KIR3DL3: variants seen among roughly 807,000 people sequenced by gnomAD.
KIR3DL3 encodes killer cell immunoglobulin like receptor, three Ig domains and long cytoplasmic tail 3, also known as killer cell immunoglobulin-like receptor 3DL3.
KIR3DL3 carries 27 observed loss-of-function variants against 34.9 expected under a neutral mutation model. The ratio of observed to expected loss-of-function variants is 0.77; its 90% CI spans 0.57 to 1.07. The LOEUF (loss-of-function observed/expected upper bound fraction) is 1.07, where lower values mean the gene tolerates loss of function less well. KIR3DL3 is among the 50% of genes least tolerant of loss of function. The pLI, the probability that KIR3DL3 is intolerant of heterozygous loss-of-function variation, is 0.00. For missense variants in KIR3DL3, 681 were observed against 528.5 expected, an observed-to-expected ratio of 1.29 and a Z score of -2.83; for synonymous variants, 217 against 200.2, an observed-to-expected ratio of 1.08 and a Z score of -0.71.
At chr19:54,726,954 C>T (rs1022205753) in intron 3 of KIR3DL3, among the ~76,000 whole-genome samples, 1 of 124,432 alleles carries the variant, frequency 8.0e-6, no homozygotes, top group African/African-American at 3.0e-5. Context: ...CAATTTTCTC[C>T]AGCAGCAACA....
At chr19:54,725,669 G>C (rs2068083241) in intron 2 of KIR3DL3, among the ~76,000 whole-genome samples, 1 of 152,184 alleles carries the variant, frequency 6.6e-6, no homozygotes, top group African/African-American at 2.4e-5. Flanking sequence ...TGTGGCTGCT[G>C]TCATTCTACC....
intron 4 of KIR3DL3, among the ~76,000 whole-genome samples, chr19:54,728,998 G>A (rs2068499068): frequency 8.1e-6 from 1 of 123,686 alleles, no homozygotes; most frequent in African/African-American, 2.7e-5. Context: ...TAGAGAGATA[G>A]AAAGACAGAT....
chr19:54,734,704 A>C (rs546149628), intron 5 of KIR3DL3, among the ~76,000 whole-genome samples: 241 of 146,014 alleles, frequency 1.7e-3, no homozygotes, highest in Admixed American at 2.7e-3. Context: ...TTTGCCTCAC[A>C]GTTCTGCAGG....
chr19:54,727,719 T>A lies in KIR3DL3; in HGVS notation c.464T>A (p.Leu155Gln). The A allele has an allele frequency of 6.2e-7, 1 of 1,613,088 alleles. No homozygotes were observed. Among genetic ancestry groups the A allele is most frequent in the Non-Finnish European group, 8.5e-7 (1 of 1,179,800 alleles). ...GATGTCAGGTTTGAGCGCTTCCTTC[T>A]GCACAGAGAGGGGATCACTGAGGAC... ...WSDVRFERFLLHREGITEDPL... is the reference protein window; with the variant it reads ...WSDVRFERFLQHREGITEDPL... The change falls in exon 4 of 8, where the codon CTG (leucine) becomes CAG (glutamine). Residue 155 changes from leucine (L) to glutamine (Q), a missense_variant. Leu to Gln is a moderately radical substitution (Grantham distance 113). Transcript: ENST00000291860.
intron 5 of KIR3DL3, among the ~76,000 whole-genome samples, chr19:54,734,094 T>A (rs1451478668): frequency 4.6e-5 from 7 of 152,200 alleles, no homozygotes; most frequent in Non-Finnish European, 7.3e-5. Context: ...GGCTGTTTGA[T>A]TTAAGTCAGT....
Position 54,725,564 on chromosome 19 carries a change from A to G in KIR3DL3, c.70+282A>G, listed in dbSNP as rs973018578. 9.2e-5 allele frequency among the ~76,000 whole-genome samples: 14 copies of G among 152,250 alleles called. No homozygotes were observed. The South Asian group carries it at 2.3e-3, about 25-fold the overall frequency. On this transcript the variant is annotated intron_variant, in intron 2 of 7. Transcript: ENST00000291860. ...AGGGAGGAAGTGGTGTCACCGGCAG[A>G]GGAAGGGAGAGAAGCAGTGCAAGGA...
At chr19:54,732,253 G>GTTTTTTTTTTT (rs1376667820) in intron 5 of KIR3DL3, among the ~76,000 whole-genome samples, 6 of 90,940 alleles carry the variant, frequency 6.6e-5, no homozygotes, top group African/African-American at 2.2e-4. Context: ...TGTGTTTTTT[G>GTTTTTTTTTTT]TTTTCTTTTT....
intron 5 of KIR3DL3, among the ~76,000 whole-genome samples, chr19:54,733,453 AC>A (rs1392869960): frequency 6.6e-6 from 1 of 152,186 alleles, no homozygotes; most frequent in Non-Finnish European, 1.5e-5. Flanking sequence ...AATGGCTTCA[AC>A]CCTGGAGGCA....
intron 4 of KIR3DL3, 91 bp downstream of exon 4, chr19:54,728,001 A>G (rs2068392701): frequency 3.9e-6 from 5 of 1,294,916 alleles, no homozygotes; most frequent in Non-Finnish European, 5.4e-6. Flanking sequence ...GAGGAAGATG[A>G]GTGTGGGGTT....
At chr19:54,734,116 T>C (rs1272812035) in intron 5 of KIR3DL3, among the ~76,000 whole-genome samples, 9 of 151,892 alleles carry the variant, frequency 5.9e-5, no homozygotes, top group African/African-American at 2.2e-4. Context: ...CTACTTCACT[T>C]TTTTTATCTT....
In KIR3DL3 at chr19:54,729,588, G is replaced by C. The variant is rs2068582498; in HGVS notation, c.751G>C (p.Asp251His). ...GTCCTGCAGCTCCCGGAGCTTGTTT[G>C]ACATTTACCATCTATCCAGGGAGGC... is the stretch of plus-strand genomic sequence containing the variant. ...TLSCSSRSLF[D>H]IYHLSREAEA... The change falls in exon 5 of 8, where the codon GAC (aspartate) becomes CAC (histidine). Residue 251 changes from aspartate (D) to histidine (H), a missense_variant. Asp to His is a moderately conservative substitution (Grantham distance 81). Transcript: ENST00000291860. 6.2e-7 allele frequency: 1 copy of C among 1,606,582 alleles called. No individual in the cohort carries two copies.
At chr19:54,724,926 G>T (rs1391514684) in intron 1 of KIR3DL3, among the ~76,000 whole-genome samples, 1 of 136,790 alleles carries the variant, frequency 7.3e-6, no homozygotes, top group East Asian at 2.2e-4. Flanking sequence ...GTAGAGATAC[G>T]GGCCTGGAGT....
chr19:54,735,320 C>T lies in KIR3DL3; in HGVS notation c.1017C>T (p.Leu339=). 4.7e-6 allele frequency: 7 copies of T among 1,474,584 alleles called. No individual in the cohort carries two copies. Among genetic ancestry groups the T allele is most frequent in the Non-Finnish European group, 4.7e-6 (5 of 1,058,078 alleles). 91.3% of individuals were successfully genotyped at this position (1,474,584 alleles called of 1,614,324 possible). A position where few individuals can be genotyped will look rare whatever the true frequency, so the allele number is the denominator to read the frequency against. The stretch of plus-strand genomic sequence containing the variant: ...TCATCATCCCCTTTGCTATCCTCCT[C>T]TTCTTTCTCCTTCATCGCTGGTGTG... ...SVVIIPFAIL[L]FFLLHRWCAN... The change falls in exon 6 of 8, where the codon CTC becomes CTT. Residue 339 remains leucine (L), a synonymous_variant. Transcript: ENST00000291860.
At chr19:54,733,070 G>A (rs113775492) in intron 5 of KIR3DL3, among the ~76,000 whole-genome samples, 17,503 of 152,140 alleles carry the variant, frequency 0.12, 1,105 homozygotes, top group South Asian at 0.16. Context: ...TGCTTGTGAG[G>A]TAGAATCATT....
Position 54,724,548 on chromosome 19 carries a change from A to G in KIR3DL3, c.34+18A>G. 1.9e-6 allele frequency: 3 copies of G among 1,606,062 alleles called. No homozygotes were observed. The South Asian group carries it at 3.3e-5, about 18-fold the overall frequency. On this transcript the variant is annotated intron_variant, in intron 1 of 7. Coordinates refer to ENST00000291860, the MANE Select transcript of KIR3DL3 (RefSeq NM_153443.5). ...GTGTGTTGGTGAGTCCTGGAAGGGAATCGAGGGAGGGAGCGCTGGGGTGGA... is the reference window on the plus strand; with the variant it reads ...GTGTGTTGGTGAGTCCTGGAAGGGAGTCGAGGGAGGGAGCGCTGGGGTGGA...
intron 3 of KIR3DL3, 124 bp downstream of exon 3, chr19:54,726,461 A>G: frequency 7.9e-7 from 1 of 1,262,610 alleles, no homozygotes; most frequent in South Asian, 1.5e-5. Flanking sequence ...AGGGGGATTC[A>G]GTACAGAGAA....
chr19:54,724,524 T>G lies in KIR3DL3; in HGVS notation c.28T>G (p.Cys10Gly). The G allele has an allele frequency of 6.2e-7, 1 of 1,611,622 alleles. No homozygotes were observed. Among genetic ancestry groups the G allele is most frequent in the Admixed American group, 1.7e-5 (1 of 59,820 alleles). The change falls in exon 1 of 8, where the codon TGT becomes GGT. Residue 10 changes from cysteine (C) to glycine (G), a missense_variant. Coordinates refer to ENST00000291860, the MANE Select transcript of KIR3DL3 (RefSeq NM_153443.5). MSLMVVSMA[C>G]VGFFLLEGPW... The stretch of plus-strand genomic sequence containing the variant: ...GTCGCTCATGGTCGTCAGCATGGCG[T>G]GTGTTGGTGAGTCCTGGAAGGGAAT...
At chr19:54,727,239 G>A (rs34614411) in intron 3 of KIR3DL3, among the ~76,000 whole-genome samples, 60,166 of 88,546 alleles carry the variant, frequency 0.68, 21,466 homozygotes, top group East Asian at 0.99. Flanking sequence ...ACCTCCTGCC[G>A]GCCTTTCCAA....
At chr19:54,734,600 T>C (rs1180253119) in intron 5 of KIR3DL3, among the ~76,000 whole-genome samples, 1 of 149,590 alleles carries the variant, frequency 6.7e-6, no homozygotes, top group Admixed American at 6.8e-5. Context: ...TTCTGGGATG[T>C]TCCTCCTGAT....
Sources: gnomAD v4.1 joint callset for allele counts (sites outside exome capture counted in the v4.1 genomes callset) on GRCh38, gnomAD v4.1.1 for gene constraint, MANE v1.5 for transcripts, NCBI Gene and HGNC (gene_info 2026-07-23, HGNC 2026-07-21) for gene names.